ABCC3: variants seen among roughly 807,000 people sequenced by gnomAD.
ABCC3 encodes the protein ATP binding cassette subfamily C member 3.
In ABCC3, 121 loss-of-function variants were observed where a neutral mutation model predicts 165.3. The observed-to-expected ratio is 0.73, with a 90% CI of 0.63 to 0.85. The LOEUF (loss-of-function observed/expected upper bound fraction) is 0.85, where lower values mean the gene tolerates loss of function less well. Among genes scored for constraint, ABCC3 ranks in the 40% least tolerant of loss-of-function variants. ABCC3 has a pLI of 0.00. For missense variants in ABCC3, 1,869 were observed against 1,964.1 expected (o/e 0.95, Z 0.92); for synonymous variants, 733 against 810.1 (o/e 0.90, Z 1.62).
intron 1 of ABCC3, among the ~76,000 whole-genome samples, chr17:50,649,111 C>CA (rs575758407): frequency 0.015 from 1,505 of 100,080 alleles, 17 homozygotes; most frequent in East Asian, 0.071. Flanking sequence ...GACTCCATCT[C>CA]AAAAAAAAAA....
At chr17:50,656,857 G>A in intron 3 of ABCC3, 30 bp downstream of exon 3, 1 of 1,587,910 alleles carries the variant, frequency 6.3e-7, no homozygotes, top group African/African-American at 1.4e-5. Context: ...AAAGTGGATG[G>A]GGGAGGTCTC....
chr17:50,676,659 CA>C, intron 23 of ABCC3, 71 bp downstream of exon 23: 1 of 1,101,046 alleles, frequency 9.1e-7, no homozygotes, highest in African/African-American at 1.6e-5. Flanking sequence ...GCGGGGGCAG[CA>C]GGGGTGGGAC....
intron 1 of ABCC3, among the ~76,000 whole-genome samples, chr17:50,642,487 C>T (rs72837531): frequency 0.18 from 27,891 of 152,232 alleles, 3,316 homozygotes; most frequent in Non-Finnish European, 0.26. Flanking sequence ...AACCAAAACA[C>T]GGGCCTGACA....
intron 1 of ABCC3, chr17:50,643,804 G>C (rs1567824468): frequency 2.8e-6 from 1 of 362,328 alleles, no homozygotes; most frequent in East Asian, 7.5e-5. Flanking sequence ...AGTTGGCTGT[G>C]GGGGAAGGGA....
chr17:50,661,162 C>A, intron 8 of ABCC3, 48 bp downstream of exon 8: 1 of 1,509,168 alleles, frequency 6.6e-7, no homozygotes, highest in Non-Finnish European at 8.9e-7. Flanking sequence ...GGCAGCAGGG[C>A]TGGCTGGCTA....
Position 50,663,717 on chromosome 17 carries a change from C to CTCCTGGTGGGGCT in ABCC3, c.1045_1057dup (p.Ala353GlyfsTer145). On this transcript the variant is annotated frameshift_variant, in exon 9 of 31. Coordinates refer to ENST00000285238, the MANE Select transcript of ABCC3 (RefSeq NM_003786.4). LOFTEE classifies it high-confidence loss of function. ...GGTTTATCTCCAACCCCATGGCCCC[C>CTCCTGGTGGGGCT]TCCTGGTGGGGCTTCCTGGTGGCTG... The CTCCTGGTGGGGCT allele has an allele frequency of 6.2e-7, 1 of 1,614,228 alleles. No homozygotes were observed. The highest frequency in any genetic ancestry group is 8.5e-7 in the Non-Finnish European group (1 of 1,180,044).
chr17:50,643,811 G>A (rs1966934934), intron 1 of ABCC3: 1 of 362,112 alleles, frequency 2.8e-6, no homozygotes, highest in African/African-American at 2.1e-5. Flanking sequence ...TGTGGGGGAA[G>A]GGAGCAATGG....
At chr17:50,683,363 A>G (rs1967958945) in intron 26 of ABCC3, among the ~76,000 whole-genome samples, 1 of 151,210 alleles carries the variant, frequency 6.6e-6, no homozygotes, top group Admixed American at 6.6e-5. Context: ...AAAAAAAAAA[A>G]AAAAGGAACA....
Position 50,668,095 on chromosome 17 carries a change from CAG to C in ABCC3, c.1782+87_1782+88del, listed in dbSNP as rs1387752216. ...AGGGTCACTTAGGGCAAGGGATAAT[CAG>C]GGGGAGTTATTGGATTCAGGGAAGG... On this transcript the variant is annotated intron_variant, in intron 13 of 30. Coordinates refer to ENST00000285238, the MANE Select transcript of ABCC3 (RefSeq NM_003786.4). 5 of 1,177,948 alleles carry C rather than the reference CAG, an allele frequency of 4.2e-6. No homozygotes were observed. The African/African-American group carries it at 6.1e-5, about 14-fold the overall frequency. 73.0% of individuals were successfully genotyped at this position (1,177,948 alleles called of 1,614,324 possible). A position where few individuals can be genotyped will look rare whatever the true frequency, so the allele number is the denominator to read the frequency against.
At position 50,668,876 on chromosome 17, in the gene ABCC3, G is replaced by A. The variant is rs1241478172; in HGVS notation, c.1894G>A (p.Gly632Ser). Reference protein sequence around the residue: ...SPGYAITIHSGTFTWAQDLPP... With the variant: ...SPGYAITIHSSTFTWAQDLPP... ...AGGCTATGCCATCACCATACACAGT[G>A]GCACCTTCACCTGGGCCCAGGACCT... Residue 632 changes from glycine (G) to serine (S), a missense_variant, in exon 15 of 31, where the codon GGC (glycine) becomes AGC (serine). Coordinates refer to ENST00000285238, the MANE Select transcript of ABCC3 (RefSeq NM_003786.4). The A allele has an allele frequency of 4.3e-6, 7 of 1,613,866 alleles. No individual in the cohort carries two copies. Among genetic ancestry groups the A allele is most frequent in the Non-Finnish European group, 5.1e-6 (6 of 1,179,944 alleles).
Position 50,658,114 on chromosome 17 carries a change from C to G in ABCC3, c.519C>G (p.Thr173=), listed in dbSNP as rs1230748124. Residue 173 remains threonine (T), a synonymous_variant, in exon 5 of 31, where the codon ACC becomes ACG. Transcript: ENST00000285238. The stretch of plus-strand genomic sequence containing the variant: ...TCTCAGACCCCTTCCGCTTCACCAC[C>G]TTCTACATCCACTTTGCCCTGGTAC... The part of the protein sequence containing the change: ...GEISDPFRFT[T]FYIHFALVLS... The G allele has an allele frequency of 1.2e-6, 2 of 1,614,228 alleles. No homozygotes were observed. Among genetic ancestry groups the G allele is most frequent in the African/African-American group, 2.7e-5 (2 of 75,058 alleles).
chr17:50,687,573 C>T lies in ABCC3; in HGVS notation c.4318C>T (p.Leu1440=). 1 of 1,614,132 alleles carries T rather than the reference C, an allele frequency of 6.2e-7. No homozygotes were observed. The highest frequency in any genetic ancestry group is 8.5e-7 in the Non-Finnish European group (1 of 1,180,054). ...GCAGCTCGTGTGCCTGGCCCGAGCC[C>T]TGCTCCGCAAGAGCCGCATCCTGGT... The part of the protein sequence containing the change: ...QRQLVCLARA[L]LRKSRILVLD... Residue 1440 remains leucine, a synonymous_variant, in exon 30 of 31, where the codon CTG becomes TTG. Transcript: ENST00000285238.
At chr17:50,680,965 A>G (rs1000874362) in intron 26 of ABCC3, among the ~76,000 whole-genome samples, 6 of 152,104 alleles carry the variant, frequency 3.9e-5, no homozygotes, top group African/African-American at 1.4e-4. Flanking sequence ...ATTCCCAGCT[A>G]CTTGGGAGTC....
chr17:50,651,529 C>T (rs1191853188), intron 1 of ABCC3, among the ~76,000 whole-genome samples: 2 of 152,150 alleles, frequency 1.3e-5, no homozygotes, highest in African/African-American at 4.8e-5. Context: ...TCGAGACCAG[C>T]CTGGGCAACA....
At position 50,676,262 on chromosome 17, in the gene ABCC3, C is replaced by A; in HGVS notation, c.3068-16C>A. 6.2e-7 allele frequency: 1 copy of A among 1,605,952 alleles called. No individual in the cohort carries two copies. Among genetic ancestry groups the A allele is most frequent in the East Asian group, 2.2e-5 (1 of 44,836 alleles). On this transcript the variant is annotated splice_polypyrimidine_tract_variant and intron_variant, in intron 22 of 30. Coordinates refer to ENST00000285238, the MANE Select transcript of ABCC3 (RefSeq NM_003786.4). ...ACTAGTCCAGGTGAGCCAGCGCCCT[C>A]TGCCTTCTCCAACAGGGTTCTTGGT...
At chr17:50,652,166 A>G (rs918996687) in intron 1 of ABCC3, among the ~76,000 whole-genome samples, 9 of 152,244 alleles carry the variant, frequency 5.9e-5, no homozygotes, top group Non-Finnish European at 2.9e-5. Flanking sequence ...GAGCATTAAA[A>G]GGAGATAAGA....
chr17:50,683,958 G>C lies in ABCC3; in HGVS notation c.3964G>C (p.Val1322Leu). The stretch of plus-strand genomic sequence containing the variant: ...TCCCTTCTCCGCCCAGGTGGGGATC[G>C]TGGGCCGCACTGGGGCTGGCAAGTC... ...HVHGGEKVGIVGRTGAGKSSM... is the reference protein window; with the variant it reads ...HVHGGEKVGILGRTGAGKSSM... The change falls in exon 28 of 31, where the codon GTG becomes CTG. Residue 1322 changes from valine to leucine, a missense_variant. Coordinates refer to ENST00000285238, the MANE Select transcript of ABCC3 (RefSeq NM_003786.4). 6.2e-7 allele frequency: 1 copy of C among 1,612,736 alleles called. No individual in the cohort carries two copies. The highest frequency in any genetic ancestry group is 1.7e-5 in the Admixed American group (1 of 59,848).
intron 1 of ABCC3, among the ~76,000 whole-genome samples, chr17:50,648,381 A>T (rs1334011913): frequency 6.6e-6 from 1 of 152,124 alleles, no homozygotes; most frequent in Non-Finnish European, 1.5e-5. Context: ...GCATAAGGAG[A>T]GATGAAACAC....
In ABCC3 at chr17:50,665,139, C is replaced by G; in HGVS notation, c.1339-14C>G. On this transcript the variant is annotated splice_polypyrimidine_tract_variant and intron_variant, in intron 10 of 30. Coordinates refer to ENST00000285238, the MANE Select transcript of ABCC3 (RefSeq NM_003786.4). ...CTGTCCCTATGTGTCATCTATCCAC[C>G]GGTGCCTCCTCAGAACCTAGGTCCC... 1 of 1,612,456 alleles carries G rather than the reference C, an allele frequency of 6.2e-7. No homozygotes were observed. Among genetic ancestry groups the G allele is most frequent in the Non-Finnish European group, 8.5e-7 (1 of 1,178,504 alleles).
Sources: allele counts gnomAD v4.1 joint callset (sites outside exome capture counted in the v4.1 genomes callset), GRCh38; gene constraint gnomAD v4.1.1; transcripts MANE v1.5; gene names NCBI Gene and HGNC (gene_info 2026-07-23, HGNC 2026-07-21).